IQGAP2: variants seen among roughly 807,000 people sequenced by gnomAD.
IQGAP2 encodes the protein ras GTPase-activating-like protein IQGAP2.
IQGAP2 carries 173 observed loss-of-function variants against 201.3 expected under a neutral mutation model. That is an observed-to-expected ratio of 0.86 (90% CI 0.76 to 0.98). IQGAP2 has a LOEUF of 0.98. Ranked by LOEUF, IQGAP2 falls within the 50% of genes least tolerant of loss-of-function variation. IQGAP2 has a pLI of 0.00. For synonymous variants in IQGAP2, 675 were observed against 673.9 expected (o/e 1.00, Z -0.03); for missense variants, 1,687 against 1,864.8 (o/e 0.90, Z 1.76).
Position 76,701,122 on chromosome 5 carries a change from G to A in IQGAP2, c.4414G>A (p.Gly1472Arg), listed in dbSNP as rs758469927. Reference sequence around the variant, plus strand: ...ACTAGATGGAAAAGGAGAACCCAAAGGGGCGAAGAGAGCGAAGCCAGTGAA... The same window carrying A: ...ACTAGATGGAAAAGGAGAACCCAAAAGGGCGAAGAGAGCGAAGCCAGTGAA... ...IKLDGKGEPKGAKRAKPVKYT... is the reference protein window; with the variant it reads ...IKLDGKGEPKRAKRAKPVKYT... Residue 1472 changes from glycine (G) to arginine (R), a missense_variant, in exon 34 of 36, where the codon GGG (glycine) becomes AGG (arginine). Transcript: ENST00000274364. 6.2e-7 allele frequency: 1 copy of A among 1,614,158 alleles called. No homozygotes were observed. Among genetic ancestry groups the A allele is most frequent in the Admixed American group, 1.7e-5 (1 of 60,038 alleles).
chr5:76,601,021 G>A lies in IQGAP2; in HGVS notation c.1232+49G>A, dbSNP rs769660712. Reference sequence around the variant, plus strand: ...CTTTCAATGCAGAAATGCATGTTTGGCAGATCTTAAAAGTGAGGAATTTGC... The same window carrying A: ...CTTTCAATGCAGAAATGCATGTTTGACAGATCTTAAAAGTGAGGAATTTGC... On this transcript the variant is annotated intron_variant, in intron 11 of 35. Transcript: ENST00000274364. The A allele has an allele frequency of 1.9e-6, 3 of 1,581,640 alleles. No individual in the cohort carries two copies. The South Asian group carries it at 3.4e-5, about 18-fold the overall frequency.
At chr5:76,671,123 T>C (rs1232195739) in intron 23 of IQGAP2, among the ~76,000 whole-genome samples, 1 of 151,722 alleles carries the variant, frequency 6.6e-6, no homozygotes, top group Non-Finnish European at 1.5e-5. Context: ...TAGCTGGGCA[T>C]GGTGGCATGT....
intron 13 of IQGAP2, among the ~76,000 whole-genome samples, chr5:76,613,820 G>A (rs539082205): frequency 8.5e-5 from 13 of 152,122 alleles, no homozygotes; most frequent in African/African-American, 2.7e-4. Context: ...TCAGCCTCCC[G>A]AGTAGCAGGG....
At chr5:76,631,651 T>C (rs1750715717) in intron 14 of IQGAP2, among the ~76,000 whole-genome samples, 1 of 152,190 alleles carries the variant, frequency 6.6e-6, no homozygotes, top group Admixed American at 6.6e-5. Flanking sequence ...TTGTTTTTAA[T>C]AAACCATACT....
intron 32 of IQGAP2, among the ~76,000 whole-genome samples, chr5:76,697,434 A>G (rs1374504280): frequency 1.3e-5 from 2 of 152,220 alleles, no homozygotes; most frequent in Non-Finnish European, 2.9e-5. Flanking sequence ...ACTTGAGGTC[A>G]GGAGTTCAAG....
At chr5:76,493,904 A>G (rs1231736005) in intron 2 of IQGAP2, among the ~76,000 whole-genome samples, 2 of 152,360 alleles carry the variant, frequency 1.3e-5, no homozygotes, top group African/African-American at 2.4e-5. Flanking sequence ...GCCCCTTGGT[A>G]TCCTCGGGGA....
At chr5:76,573,700 C>T (rs1396934736) in intron 4 of IQGAP2, among the ~76,000 whole-genome samples, 1 of 149,628 alleles carries the variant, frequency 6.7e-6, no homozygotes, top group Non-Finnish European at 1.5e-5. Context: ...CAATCTTCGC[C>T]TCCTGGGTTC....
chr5:76,435,024 C>A (rs951798429), intron 1 of IQGAP2, among the ~76,000 whole-genome samples: 1 of 150,306 alleles, frequency 6.7e-6, no homozygotes, highest in Admixed American at 6.6e-5. Context: ...CTACGCATGT[C>A]ATTTGCTCAT....
chr5:76,444,924 G>A (rs1158537682), intron 1 of IQGAP2, among the ~76,000 whole-genome samples: 1 of 152,138 alleles, frequency 6.6e-6, no homozygotes, highest in Non-Finnish European at 1.5e-5. Context: ...CTTCTCTGGG[G>A]TAGTTTAGCA....
intron 1 of IQGAP2, among the ~76,000 whole-genome samples, chr5:76,425,103 A>G (rs539283022): frequency 2.2e-4 from 33 of 152,258 alleles, no homozygotes; most frequent in African/African-American, 7.9e-4. Context: ...AGCTTTCTTT[A>G]TCTTCCTGCA....
At position 76,597,258 on chromosome 5, in the gene IQGAP2, T is replaced by G; in HGVS notation, c.908-181T>G. On this transcript the variant is annotated intron_variant, in intron 9 of 35. Transcript: ENST00000274364. ...TTCTTGTAGGCACTAATTCCAAAGA[T>G]TGGATTAGTTTGAATTACTGAGATA... 4.9e-6 allele frequency: 3 copies of G among 606,644 alleles called. No homozygotes were observed. In the South Asian group the frequency reaches 6.2e-5, roughly 13 times the overall value. 37.6% of individuals were successfully genotyped at this position (606,644 alleles called of 1,614,324 possible).
chr5:76,550,690 G>T (rs1290381599), intron 2 of IQGAP2, among the ~76,000 whole-genome samples: 1 of 152,314 alleles, frequency 6.6e-6, no homozygotes, highest in South Asian at 2.1e-4. Context: ...CGATCAACAG[G>T]ATCACAAGGC....
chr5:76,651,222 C>T (rs554431053), intron 17 of IQGAP2, among the ~76,000 whole-genome samples: 1 of 152,290 alleles, frequency 6.6e-6, no homozygotes, highest in Non-Finnish European at 1.5e-5. Context: ...TCTTTCAGTT[C>T]AGTTCTAGTT....
intron 34 of IQGAP2, 45 bp downstream of exon 34, chr5:76,701,258 T>C: frequency 6.3e-7 from 1 of 1,596,444 alleles, no homozygotes; most frequent in Non-Finnish European, 8.6e-7. Context: ...TGCCATTTGA[T>C]TTCTTGTGGC....
Position 76,617,883 on chromosome 5 carries a change from A to C in IQGAP2, c.1521+6700A>C, listed in dbSNP as rs781487896. 5.0e-5 allele frequency: 81 copies of C among 1,614,166 alleles called. No homozygotes were observed. The South Asian group carries it at 8.1e-4, about 16-fold the overall frequency. ...TGCATAGCAGTAGATGATAAGCACAAATGGAATTAAGAATCCAAAGAATGC... is the reference window on the plus strand; with the variant it reads ...TGCATAGCAGTAGATGATAAGCACACATGGAATTAAGAATCCAAAGAATGC... On this transcript the variant is annotated intron_variant, in intron 13 of 35. Coordinates refer to ENST00000274364, the MANE Select transcript of IQGAP2 (RefSeq NM_006633.5).
chr5:76,665,147 C>T lies in IQGAP2; in HGVS notation c.2651C>T (p.Thr884Ile). The change falls in exon 22 of 36, where the codon ACA becomes ATA. Residue 884 changes from threonine to isoleucine, a missense_variant. Coordinates refer to ENST00000274364, the MANE Select transcript of IQGAP2 (RefSeq NM_006633.5). ...AAGGAGAGGAGAAAAACACTAGAAA[C>T]ATATCAGCAGCTGTTTTACCTTTTA... is the stretch of plus-strand genomic sequence containing the variant. The part of the protein sequence containing the change: ...LSKERRKTLE[T>I]YQQLFYLLQT... 1 of 1,613,482 alleles carries T rather than the reference C, an allele frequency of 6.2e-7. No individual in the cohort carries two copies. The highest frequency in any genetic ancestry group is 8.5e-7 in the Non-Finnish European group (1 of 1,179,628).
Position 76,403,646 on chromosome 5 carries a change from A to G in IQGAP2, c.46+55A>G. 1 of 1,405,696 alleles carries G rather than the reference A, an allele frequency of 7.1e-7. No homozygotes were observed. The allele number at this position is 1,405,696 out of a possible 1,614,324, so 87.1% of individuals were successfully genotyped here. On this transcript the variant is annotated intron_variant, in intron 1 of 35. Transcript: ENST00000274364. The surrounding 1 kb of genome is among the most constrained non-coding windows in gnomAD (Gnocchi z 4.8). ...CTGGCCTTGGGGAGCTCCCTCCCCG[A>G]GGACGGCGTTGGAGAAGCCGAGGGA... is the stretch of plus-strand genomic sequence containing the variant.
At chr5:76,626,927 G>A (rs1750295367) in intron 13 of IQGAP2, among the ~76,000 whole-genome samples, 1 of 152,184 alleles carries the variant, frequency 6.6e-6, no homozygotes, top group South Asian at 2.1e-4. Context: ...CAGGAAGGGG[G>A]AAGTAAACGG....
At chr5:76,702,070 A>C in intron 34 of IQGAP2, 1 of 152,950 alleles carries the variant, frequency 6.5e-6, no homozygotes, top group Non-Finnish European at 1.5e-5. Context: ...CGGCCTCTGA[A>C]AGTGCTGGGA....
Sources: allele counts gnomAD v4.1 joint callset (sites outside exome capture counted in the v4.1 genomes callset), GRCh38; gene constraint gnomAD v4.1.1; non-coding constraint Gnocchi (gnomAD v3.1); transcripts MANE v1.5; gene names NCBI Gene and HGNC (gene_info 2026-07-23, HGNC 2026-07-21).